CSMD1: variants seen among roughly 807,000 people sequenced by gnomAD.
CSMD1 encodes CUB and sushi domain-containing protein 1.
In CSMD1, 213 loss-of-function variants were observed where a neutral mutation model predicts 417.5. The ratio of observed to expected loss-of-function variants is 0.51; its 90% CI spans 0.46 to 0.57. CSMD1 has a LOEUF of 0.57. CSMD1 is among the 20% of genes least tolerant of loss of function. The pLI is 0.00. For synonymous variants in CSMD1, 2,862 were observed against 1,736.8 expected (o/e 1.65, Z -16.11); for missense variants, 6,923 against 4,529.7 (o/e 1.53, Z -15.17).
intron 1 of CSMD1, among the ~76,000 whole-genome samples, chr8:4,868,256 C>G (rs1802531590): frequency 6.6e-6 from 1 of 152,040 alleles, no homozygotes; most frequent in Non-Finnish European, 1.5e-5. Context: ...TCCTTTAAGA[C>G]AGAGTTTCAC....
At chr8:3,311,278 G>C (rs1805322977) in intron 23 of CSMD1, among the ~76,000 whole-genome samples, 3 of 151,922 alleles carry the variant, frequency 2.0e-5, no homozygotes, top group South Asian at 2.1e-4. Context: ...TGGAAATGCA[G>C]TCTGTCTGTT....
In CSMD1 at chr8:4,713,374, T is replaced by TTTTTGTTTTGTTTTG. The variant is rs56295432; in HGVS notation, c.86-75831_86-75817dup. On this transcript the variant is annotated intron_variant, in intron 1 of 69. Coordinates refer to ENST00000635120, the MANE Select transcript of CSMD1 (RefSeq NM_033225.6). Reference sequence around the variant, plus strand: ...TATCTTTTTATTAGTCAGCTTTGTGTTTTTGTTTTGTTTTGTTTTGTTTTG... The same window carrying TTTTTGTTTTGTTTTG: ...TATCTTTTTATTAGTCAGCTTTGTGTTTTTGTTTTGTTTTGTTTTGTTTTGTTTTGTTTTGTTTTG... 3.1e-3 allele frequency among the ~76,000 whole-genome samples: 464 copies of TTTTTGTTTTGTTTTG among 148,126 alleles called. 2 individuals are homozygous for TTTTTGTTTTGTTTTG. Among genetic ancestry groups the TTTTTGTTTTGTTTTG allele is most frequent in the African/African-American group, 0.011 (421 of 39,956 alleles).
intron 2 of CSMD1, among the ~76,000 whole-genome samples, chr8:4,580,908 A>G (rs753608368): frequency 9.9e-5 from 15 of 152,222 alleles, no homozygotes; most frequent in Non-Finnish European, 2.1e-4. Flanking sequence ...TGTGTTTGAC[A>G]TCATCGGAAG....
At chr8:3,450,622 T>C (rs1425665884) in intron 12 of CSMD1, among the ~76,000 whole-genome samples, 1 of 152,100 alleles carries the variant, frequency 6.6e-6, no homozygotes, top group African/African-American at 2.4e-5. Context: ...GCTTCATCCA[T>C]GTCCCTATAA....
At chr8:3,168,186 T>C (rs772434148) in intron 37 of CSMD1, among the ~76,000 whole-genome samples, 2 of 152,002 alleles carry the variant, frequency 1.3e-5, no homozygotes, top group Non-Finnish European at 2.9e-5. Flanking sequence ...GAAATCAAAA[T>C]ACAGGCGCAT....
intron 3 of CSMD1, among the ~76,000 whole-genome samples, chr8:4,306,810 A>AATC (rs1261735283): frequency 6.7e-6 from 1 of 148,506 alleles, no homozygotes; most frequent in Non-Finnish European, 1.5e-5. Context: ...CCATAGCACC[A>AATC]ATCAATCCCT....
intron 36 of CSMD1, among the ~76,000 whole-genome samples, chr8:3,184,985 G>T (rs1448077506): frequency 6.6e-6 from 1 of 152,154 alleles, no homozygotes; most frequent in African/African-American, 2.4e-5. Context: ...TTTTGTCCTG[G>T]TTTGTCTCCT....
intron 3 of CSMD1, among the ~76,000 whole-genome samples, chr8:4,157,049 C>T (rs1054243043): frequency 6.6e-6 from 1 of 152,108 alleles, no homozygotes; most frequent in Non-Finnish European, 1.5e-5. Flanking sequence ...ACACAAGGAG[C>T]CTGTAGACCA....
At chr8:3,759,471 C>T (rs1165470685) in intron 5 of CSMD1, among the ~76,000 whole-genome samples, 1 of 152,082 alleles carries the variant, frequency 6.6e-6, no homozygotes, top group African/African-American at 2.4e-5. Context: ...AGCTGTTAGC[C>T]ACACTTCTTT....
intron 3 of CSMD1, among the ~76,000 whole-genome samples, chr8:4,395,319 C>T (rs60831067): frequency 0.03 from 4,585 of 152,268 alleles, 216 homozygotes; most frequent in African/African-American, 0.1. Flanking sequence ...TCAGCCCCTT[C>T]GCTATTCTTA....
chr8:4,692,718 C>T (rs920393289), intron 1 of CSMD1, among the ~76,000 whole-genome samples: 8 of 152,114 alleles, frequency 5.3e-5, no homozygotes, highest in Non-Finnish European at 7.4e-5. Flanking sequence ...GCAAACCCCC[C>T]GATAACGTGC....
chr8:4,567,008 A>G (rs1280244683), intron 2 of CSMD1, among the ~76,000 whole-genome samples: 2 of 152,036 alleles, frequency 1.3e-5, no homozygotes, highest in Non-Finnish European at 2.9e-5. Context: ...TCCTGTATGT[A>G]TTTTTCAAGG....
intron 2 of CSMD1, among the ~76,000 whole-genome samples, chr8:4,497,546 G>A (rs1047450047): frequency 6.6e-6 from 1 of 152,198 alleles, no homozygotes; most frequent in Admixed American, 6.5e-5. Context: ...GCTCCACTGA[G>A]GAGCAGGGAG....
intron 1 of CSMD1, chr8:4,788,675 T>C (rs1355862047): frequency 2.2e-5 from 13 of 580,376 alleles, no homozygotes; most frequent in Non-Finnish European, 3.6e-5. Flanking sequence ...AAGGTAATTA[T>C]AAATTAGAGA....
At chr8:4,726,018 A>C (rs1412186652) in intron 1 of CSMD1, among the ~76,000 whole-genome samples, 1 of 152,140 alleles carries the variant, frequency 6.6e-6, no homozygotes, top group Non-Finnish European at 1.5e-5. Context: ...TTTTCTCATA[A>C]TGGATTTTTC....
chr8:3,304,735 TAA>T (rs779426445), intron 25 of CSMD1, among the ~76,000 whole-genome samples: 1 of 151,452 alleles, frequency 6.6e-6, no homozygotes, highest in Admixed American at 6.6e-5. Flanking sequence ...TTTCTCTTTT[TAA>T]TTTTTTTTAT....
chr8:4,139,021 T>G (rs564417451), intron 3 of CSMD1, among the ~76,000 whole-genome samples: 1 of 78,088 alleles, frequency 1.3e-5, no homozygotes, highest in Non-Finnish European at 3.9e-5. Flanking sequence ...AAAGGACATA[T>G]GCTGCATGTT....
intron 2 of CSMD1, among the ~76,000 whole-genome samples, chr8:4,582,511 A>T (rs1799470152): frequency 6.6e-6 from 1 of 152,186 alleles, no homozygotes; most frequent in African/African-American, 2.4e-5. Context: ...TGGAGAAACT[A>T]AGTCCTGTAG....
At chr8:3,279,832 T>G (rs954526530) in intron 26 of CSMD1, among the ~76,000 whole-genome samples, 13 of 152,024 alleles carry the variant, frequency 8.6e-5, no homozygotes, top group Admixed American at 7.9e-4. Context: ...GAGACTTACT[T>G]ATTGTCATGA....
Sources: allele counts gnomAD v4.1 joint callset (sites outside exome capture counted in the v4.1 genomes callset), GRCh38; gene constraint gnomAD v4.1.1; transcripts MANE v1.5; gene names NCBI Gene and HGNC (gene_info 2026-07-23, HGNC 2026-07-21).